The following SLC37A2 variants were observed in gnomAD, a reference collection of about 807,000 sequenced individuals.
SLC37A2 encodes the protein solute carrier family 37 member 2.
SLC37A2 carries 59 observed loss-of-function variants against 70.7 expected under a neutral mutation model. The observed-to-expected ratio is 0.83, with a 90% CI of 0.68 to 1.04. The LOEUF (loss-of-function observed/expected upper bound fraction) is 1.04, where lower values mean the gene tolerates loss of function less well. Ranked by LOEUF, SLC37A2 falls within the 50% of genes least tolerant of loss-of-function variation. The probability of loss-of-function intolerance (pLI) is 0.00; values close to 1 mark genes in which losing one functional copy is unlikely to be tolerated. For synonymous variants in SLC37A2, 257 were observed against 262.1 expected, an observed-to-expected ratio of 0.98 and a Z score of 0.19; for missense variants, 580 against 658.1, an observed-to-expected ratio of 0.88 and a Z score of 1.30.
rs769917530 is a variant in SLC37A2, at chr11:125,063,457, G to A, written c.59+31G>A. On this transcript the variant is annotated intron_variant, in intron 1 of 17. Coordinates refer to ENST00000403796, the MANE Select transcript of SLC37A2 (RefSeq NM_001145290.2). The surrounding 1 kb of genome is among the most constrained non-coding windows in gnomAD (Gnocchi z 5.4). Reference sequence around the variant, plus strand: ...CGGGGCAGGGGAGGGAGGCGTGCCGGGACCTCCTGGGCTCGGGGCTTGCAG... The same window carrying A: ...CGGGGCAGGGGAGGGAGGCGTGCCGAGACCTCCTGGGCTCGGGGCTTGCAG... The A allele has an allele frequency of 1.9e-6, 3 of 1,595,944 alleles. No individual in the cohort carries two copies.
Position 125,081,593 on chromosome 11 carries a change from G to A in SLC37A2, c.732+135G>A, listed in dbSNP as rs574632728. The A allele has an allele frequency of 3.0e-5, 41 of 1,375,722 alleles. No individual in the cohort carries two copies. The African/African-American group carries it at 5.2e-4, about 18-fold the overall frequency. The allele number at this position is 1,375,722 out of a possible 1,614,324, so 85.2% of individuals were successfully genotyped here. On this transcript the variant is annotated intron_variant, in intron 8 of 17. Coordinates refer to ENST00000403796, the MANE Select transcript of SLC37A2 (RefSeq NM_001145290.2). ...CACCGACCCAGTGCTAGGCCCATGG[G>A]TTGGCCCTACAGCCTGATGAGTCTG...
chr11:125,079,100 T>C lies in SLC37A2; in HGVS notation c.315-12T>C. On this transcript the variant is annotated splice_polypyrimidine_tract_variant and intron_variant, in intron 4 of 17. Coordinates refer to ENST00000403796, the MANE Select transcript of SLC37A2 (RefSeq NM_001145290.2). ...AGGAGCTTAACCGCAGATCCAACTT[T>C]CTCTTCCCCAGTGGGGTTTTTGGGG... 2 of 1,614,024 alleles carry C rather than the reference T, an allele frequency of 1.2e-6. No homozygotes were observed. The highest frequency in any genetic ancestry group is 1.7e-6 in the Non-Finnish European group (2 of 1,179,928).
At chr11:125,081,125 G>T (rs1050893147) in intron 7 of SLC37A2, among the ~76,000 whole-genome samples, 2 of 152,082 alleles carry the variant, frequency 1.3e-5, no homozygotes, top group African/African-American at 2.4e-5. Flanking sequence ...TGCTGCAGGT[G>T]GTCTTGTGCA....
chr11:125,077,999 C>A (rs923909805), intron 4 of SLC37A2, among the ~76,000 whole-genome samples: 9 of 152,178 alleles, frequency 5.9e-5, no homozygotes, highest in Non-Finnish European at 1.3e-4. Flanking sequence ...GTGGCGGCTC[C>A]ATGACAGAGG....
At chr11:125,066,489 CTA>C (rs1948981435) in intron 1 of SLC37A2, among the ~76,000 whole-genome samples, 1 of 152,208 alleles carries the variant, frequency 6.6e-6, no homozygotes. Context: ...AAAATAAAAA[CTA>C]TCTGTAGGTG....
At chr11:125,081,602 A>G in intron 8 of SLC37A2, 144 bp downstream of exon 8, 2 of 1,380,378 alleles carry the variant, frequency 1.4e-6, no homozygotes, top group Non-Finnish European at 2.0e-6. Flanking sequence ...GGTTGGCCCT[A>G]CAGCCTGATG....
In SLC37A2 at chr11:125,083,505, A is replaced by G. The variant is rs906471246; in HGVS notation, c.977-310A>G. 4.7e-5 allele frequency: 15 copies of G among 322,436 alleles called. No individual in the cohort carries two copies. Among genetic ancestry groups the G allele is most frequent in the Admixed American group, 1.3e-4 (3 of 23,082 alleles). The allele number at this position is 322,436 out of a possible 1,614,324, so 20.0% of individuals were successfully genotyped here. A position where few individuals can be genotyped will look rare whatever the true frequency, so the allele number is the denominator to read the frequency against. On this transcript the variant is annotated intron_variant, in intron 10 of 17. Transcript: ENST00000403796. The surrounding 1 kb of genome is among the most constrained non-coding windows in gnomAD (Gnocchi z 4.6). ...TGGGCTGAGCTTCAGGTTGCGCTCC[A>G]GGGGAAAGGTGGCCACGGGACAGCA...
chr11:125,081,298 G>A, intron 7 of SLC37A2, 123 bp from the exon 8 acceptor site: 2 of 942,706 alleles, frequency 2.1e-6, no homozygotes, highest in Non-Finnish European at 3.2e-6. Context: ...CACCTTAGGA[G>A]CTGGAGGCGG....
Position 125,085,539 on chromosome 11 carries a change from G to T in SLC37A2, c.1328-38G>T, listed in dbSNP as rs377173052. 7 of 1,612,344 alleles carry T rather than the reference G, an allele frequency of 4.3e-6. No homozygotes were observed. The East Asian group carries it at 1.6e-4, about 36-fold the overall frequency. On this transcript the variant is annotated intron_variant, in intron 15 of 17. Coordinates refer to ENST00000403796, the MANE Select transcript of SLC37A2 (RefSeq NM_001145290.2). The stretch of plus-strand genomic sequence containing the variant: ...TAGTGCCCTCCGGTGGGCAGGGGAG[G>T]TGCAGGACCCCTGCTCACGAGGCTG...
chr11:125,067,887 A>G (rs970505376), intron 1 of SLC37A2, among the ~76,000 whole-genome samples: 2 of 152,196 alleles, frequency 1.3e-5, no homozygotes, highest in Admixed American at 1.3e-4. Flanking sequence ...ATAAACAAAA[A>G]CAGGTTTCAA....
chr11:125,082,319 T>G lies in SLC37A2; in HGVS notation c.961T>G (p.Tyr321Asp), dbSNP rs1180520062. 1.2e-6 allele frequency: 2 copies of G among 1,613,878 alleles called. No individual in the cohort carries two copies. The highest frequency in any genetic ancestry group is 2.2e-5 in the South Asian group (2 of 91,080). Residue 321 changes from tyrosine to aspartate, a missense_variant, in exon 10 of 18, where the codon TAC becomes GAC. By Grantham distance (160) the Tyr-to-Asp change is radical (BLOSUM62 -3). Coordinates refer to ENST00000403796, the MANE Select transcript of SLC37A2 (RefSeq NM_001145290.2). The part of the protein sequence containing the change: ...SYTFLYWLPL[Y>D]IANVAHFSAK... ...CACCTTCCTCTACTGGCTGCCCCTC[T>G]ACATCGCCAATGTGGGTAAGTCCAA...
intron 1 of SLC37A2, among the ~76,000 whole-genome samples, chr11:125,075,284 C>G (rs537435934): frequency 1.3e-5 from 2 of 152,242 alleles, no homozygotes; most frequent in Non-Finnish European, 2.9e-5. Context: ...CCCTCAGATT[C>G]TAGAAGTCCC....
chr11:125,084,374 G>A, intron 12 of SLC37A2, 55 bp downstream of exon 12: 1 of 1,563,604 alleles, frequency 6.4e-7, no homozygotes, highest in South Asian at 1.1e-5. Flanking sequence ...AGCCTGTGTG[G>A]GCCTCTGGCC....
At position 125,080,070 on chromosome 11, in the gene SLC37A2, G is replaced by A. The variant is rs556659168; in HGVS notation, c.527+310G>A. On this transcript the variant is annotated intron_variant, in intron 6 of 17. Coordinates refer to ENST00000403796, the MANE Select transcript of SLC37A2 (RefSeq NM_001145290.2). The surrounding 1 kb of genome is among the most constrained non-coding windows in gnomAD (Gnocchi z 4.3). ...ACCCCGACCCCGAATTGGCTTGTGT[G>A]CAAAACAAAGTTGCTTTGGAGAAGG... Among the ~76,000 whole-genome samples, 39 of 152,312 alleles carry A rather than the reference G, an allele frequency of 2.6e-4. No homozygotes were observed. In the South Asian group the frequency reaches 4.1e-3, roughly 16 times the overall value.
intron 17 of SLC37A2, 66 bp downstream of exon 17, chr11:125,086,084 T>C: frequency 1.3e-6 from 2 of 1,562,954 alleles, no homozygotes; most frequent in Non-Finnish European, 1.8e-6. Context: ...AGCCCAGCGC[T>C]CAGTTTCTCC....
intron 4 of SLC37A2, among the ~76,000 whole-genome samples, chr11:125,078,086 T>C (rs1038720912): frequency 2.0e-5 from 3 of 152,192 alleles, no homozygotes; most frequent in Admixed American, 6.5e-5. Flanking sequence ...TCGGGGATGC[T>C]TCTTGGATGA....
At position 125,077,529 on chromosome 11, in the gene SLC37A2, G is replaced by A. The variant is rs753357171; in HGVS notation, c.314+1G>A. 7.4e-6 allele frequency: 12 copies of A among 1,612,666 alleles called. No homozygotes were observed. Among genetic ancestry groups the A allele is most frequent in the Admixed American group, 6.7e-5 (4 of 59,936 alleles). On this transcript the variant is annotated splice_donor_variant, in intron 4 of 17. Coordinates refer to ENST00000403796, the MANE Select transcript of SLC37A2 (RefSeq NM_001145290.2). LOFTEE classifies it high-confidence loss of function. ...CCTATGCCATCGGCATGTTCATCAGGTAAGGACAGAGGCTGAGCCTATGAC... is the reference window on the plus strand; with the variant it reads ...CCTATGCCATCGGCATGTTCATCAGATAAGGACAGAGGCTGAGCCTATGAC...
At chr11:125,069,850 T>C (rs1384176982) in intron 1 of SLC37A2, among the ~76,000 whole-genome samples, 2 of 152,242 alleles carry the variant, frequency 1.3e-5, no homozygotes, top group African/African-American at 4.8e-5. Flanking sequence ...TGTTAGGCCT[T>C]CCTCGTCAGG....
In SLC37A2 at chr11:125,080,697, AC is replaced by A; in HGVS notation, c.612del (p.Asn204LysfsTer143). On this transcript the variant is annotated frameshift_variant, in exon 7 of 18. Transcript: ENST00000403796. LOFTEE classifies it high-confidence loss of function. This position sits in a 1 kb window ranked among gnomAD's most constrained non-coding sequence, Gnocchi z 4.3. ...TCCCTGATCGCCGGCATCTGGGTGA[AC>A]GGGCAGTGGGGCCTGTCGTTCATCG... is the stretch of plus-strand genomic sequence containing the variant. Reference protein sequence around the residue: ...LGSLIAGIWVNGQWGLSFIVP... With the variant: ...LGSLIAGIWVXGQWGLSFIVP... 1 of 1,582,692 alleles carries A rather than the reference AC, an allele frequency of 6.3e-7. No individual in the cohort carries two copies. The highest frequency in any genetic ancestry group is 8.6e-7 in the Non-Finnish European group (1 of 1,163,580).
Sources: gnomAD v4.1 joint callset for allele counts (sites outside exome capture counted in the v4.1 genomes callset) on GRCh38, gnomAD v4.1.1 for gene constraint, Gnocchi (gnomAD v3.1) non-coding constraint, MANE v1.5 for transcripts, NCBI Gene and HGNC (gene_info 2026-07-23, HGNC 2026-07-21) for gene names.